The following CMYA5 variants were observed in gnomAD, a reference collection of about 807,000 sequenced individuals.
The protein encoded by CMYA5 is cardiomyopathy associated 5, also known as cardiomyopathy-associated protein 5.
In CMYA5, 246 loss-of-function variants were observed where a neutral mutation model predicts 318.9. The observed-to-expected ratio is 0.77, with a 90% CI of 0.70 to 0.86. CMYA5 has a LOEUF of 0.86. Among genes scored for constraint, CMYA5 ranks in the 40% least tolerant of loss-of-function variants. CMYA5 has a pLI of 0.00. For synonymous variants in CMYA5, 1,641 were observed against 1,729.5 expected (o/e 0.95, Z 1.27); for missense variants, 4,589 against 4,678.2 (o/e 0.98, Z 0.56).
In CMYA5 at chr5:79,748,485, A is replaced by G. The variant is rs1828369000; in HGVS notation, c.10991+1372A>G. Among the ~76,000 whole-genome samples, 3 of 151,238 alleles carry G rather than the reference A, an allele frequency of 2.0e-5. 1 individual carries two copies. In the South Asian group the frequency reaches 6.3e-4, roughly 32 times the overall value. ...GTCTAGAAACTGATACCCAGGCCTT[A>G]TTCCGAGTTCCCTATCTATCTATCT... On this transcript the variant is annotated intron_variant, in intron 5 of 12. Transcript: ENST00000446378.
chr5:79,768,935 C>G (rs548462555), intron 9 of CMYA5, among the ~76,000 whole-genome samples: 1 of 152,296 alleles, frequency 6.6e-6, no homozygotes, highest in South Asian at 2.1e-4. Context: ...CTACACCAAT[C>G]AGACGTAGAT....
intron 1 of CMYA5, among the ~76,000 whole-genome samples, chr5:79,709,751 A>G (rs1827346656): frequency 6.6e-6 from 1 of 151,874 alleles, no homozygotes; most frequent in South Asian, 2.1e-4. Context: ...TGAGGTCAGG[A>G]GTTTGAGACC....
chr5:79,726,089 G>A (rs1239221247), intron 1 of CMYA5, among the ~76,000 whole-genome samples: 1 of 152,170 alleles, frequency 6.6e-6, no homozygotes, highest in Non-Finnish European at 1.5e-5. Context: ...GAATGAAAAT[G>A]AGTAAGCAAC....
intron 12 of CMYA5, 86 bp downstream of exon 12, chr5:79,793,696 C>T: frequency 8.2e-7 from 1 of 1,216,466 alleles, no homozygotes; most frequent in Non-Finnish European, 1.1e-6. Context: ...TGATAAATAG[C>T]ACCCACTTCC....
chr5:79,789,183 G>A, intron 10 of CMYA5, 79 bp downstream of exon 10: 2 of 1,517,824 alleles, frequency 1.3e-6, no homozygotes, highest in Non-Finnish European at 8.9e-7. Flanking sequence ...TGTCCTAGAG[G>A]GCAACTTTAT....
chr5:79,692,485 A>G (rs1269995463), intron 1 of CMYA5, among the ~76,000 whole-genome samples: 1 of 152,166 alleles, frequency 6.6e-6, no homozygotes, highest in African/African-American at 2.4e-5. Context: ...ACATACACCA[A>G]CATGGATATT....
rs1049249003 is a variant in CMYA5, at chr5:79,761,953, G to T, written c.11403G>T (p.Arg3801Ser). 1 of 1,612,604 alleles carries T rather than the reference G, an allele frequency of 6.2e-7. No homozygotes were observed. The change falls in exon 8 of 13, where the codon AGG (arginine) becomes AGT (serine). Residue 3801 changes from arginine (R) to serine (S), a missense_variant. Arg to Ser is a moderately radical substitution (Grantham distance 110, BLOSUM62 -1). Transcript: ENST00000446378. The stretch of plus-strand genomic sequence containing the variant: ...TGCCCAGTGAAAGGGCCATCTTTAG[G>T]ACAGGTAAGGAGATGGATGCTAAGG... The part of the protein sequence containing the change: ...CSLPSERAIF[R>S]TAPSTPVIRA...
intron 1 of CMYA5, among the ~76,000 whole-genome samples, chr5:79,725,160 G>A (rs1827720012): frequency 6.6e-6 from 1 of 152,176 alleles, no homozygotes; most frequent in African/African-American, 2.4e-5. Flanking sequence ...AAAAAGGCAT[G>A]TACACTTATG....
At chr5:79,701,470 G>A (rs1001987826) in intron 1 of CMYA5, among the ~76,000 whole-genome samples, 6 of 151,872 alleles carry the variant, frequency 4.0e-5, no homozygotes, top group African/African-American at 1.5e-4. Context: ...GAGAAAATAT[G>A]TACAGCTATT....
At position 79,732,345 on chromosome 5, in the gene CMYA5, G is replaced by A; in HGVS notation, c.3580G>A (p.Ala1194Thr). ...QEPTAALTLK[A>T]ADEQMALSKV... ...ACCCACAGCAGCACTCACTCTAAAA[G>A]CTGCAGATGAACAGATGGCTTTGTC... Residue 1194 changes from alanine (A) to threonine (T), a missense_variant, in exon 2 of 13, where the codon GCT becomes ACT. By Grantham distance (58) the Ala-to-Thr change is moderately conservative (BLOSUM62 0). Coordinates refer to ENST00000446378, the MANE Select transcript of CMYA5 (RefSeq NM_153610.5). 2 of 1,613,734 alleles carry A rather than the reference G, an allele frequency of 1.2e-6. No homozygotes were observed. Among genetic ancestry groups the A allele is most frequent in the Non-Finnish European group, 1.7e-6 (2 of 1,179,798 alleles).
intron 9 of CMYA5, among the ~76,000 whole-genome samples, chr5:79,788,266 A>T (rs559035015): frequency 9.7e-4 from 148 of 151,886 alleles, no homozygotes; most frequent in Non-Finnish European, 1.7e-3. Context: ...AAACAGATTA[A>T]AGAGAATAGG....
chr5:79,761,730 T>G lies in CMYA5; in HGVS notation c.11261-81T>G, dbSNP rs145482626. 322 of 1,441,322 alleles carry G rather than the reference T, an allele frequency of 2.2e-4. 1 individual carries two copies. In the African/African-American group the frequency reaches 3.7e-3, roughly 17 times the overall value. The allele number at this position is 1,441,322 out of a possible 1,614,324, so 89.3% of individuals were successfully genotyped here. A position where few individuals can be genotyped will look rare whatever the true frequency, so the allele number is the denominator to read the frequency against. ...GTTTGCATTTTCCACTGAAAGAAAA[T>G]CATAGATGACTTTCTCCAGTAACTA... On this transcript the variant is annotated intron_variant, in intron 7 of 12. Coordinates refer to ENST00000446378, the MANE Select transcript of CMYA5 (RefSeq NM_153610.5).
intron 9 of CMYA5, among the ~76,000 whole-genome samples, chr5:79,785,827 C>G (rs1022561584): frequency 2.0e-5 from 3 of 152,098 alleles, no homozygotes; most frequent in Non-Finnish European, 4.4e-5. Context: ...TTATTTTTTA[C>G]TTCGTAAAAA....
intron 5 of CMYA5, among the ~76,000 whole-genome samples, chr5:79,749,635 C>A (rs1828394651): frequency 6.6e-6 from 1 of 152,084 alleles, no homozygotes. Context: ...TCTATTTTAT[C>A]ATTTACTATC....
At position 79,732,904 on chromosome 5, in the gene CMYA5, T is replaced by C; in HGVS notation, c.4139T>C (p.Ile1380Thr). ...KEEIPTDSSL[I>T]TPVDRPVLTK... Reference sequence around the variant, plus strand: ...GAAATCCCAACAGATTCATCTCTTATCACTCCTGTAGATCGTCCAGTCTTA... The same window carrying C: ...GAAATCCCAACAGATTCATCTCTTACCACTCCTGTAGATCGTCCAGTCTTA... The change falls in exon 2 of 13, where the codon ATC becomes ACC. Residue 1380 changes from isoleucine to threonine, a missense_variant. Physicochemically the swap from Ile to Thr is moderately conservative, Grantham distance 89 (BLOSUM62 -1). Transcript: ENST00000446378. 6.2e-7 allele frequency: 1 copy of C among 1,613,782 alleles called. No homozygotes were observed. The highest frequency in any genetic ancestry group is 8.5e-7 in the Non-Finnish European group (1 of 1,179,814).
rs576119936 is a variant in CMYA5 at position 79,709,647 on chromosome 5, A to G, written c.150-19268A>G. Among the ~76,000 whole-genome samples the G allele has an allele frequency of 6.0e-5, 9 of 151,246 alleles. No homozygotes were observed. In the East Asian group the frequency reaches 1.7e-3, roughly 29 times the overall value. On this transcript the variant is annotated intron_variant, in intron 1 of 12. Transcript: ENST00000446378. ...ATCTTTAAAAAAACGACTACTTTTT[A>G]AGTTTTGGTGTGGTATAAAGAAAAT...
At chr5:79,787,023 G>A (rs1829094095) in intron 9 of CMYA5, among the ~76,000 whole-genome samples, 1 of 152,164 alleles carries the variant, frequency 6.6e-6, no homozygotes, top group Admixed American at 6.5e-5. Context: ...AATGAGCAAT[G>A]AGACAGAGCA....
chr5:79,701,438 G>A (rs1827173353), intron 1 of CMYA5, among the ~76,000 whole-genome samples: 1 of 152,138 alleles, frequency 6.6e-6, no homozygotes, highest in Admixed American at 6.5e-5. Flanking sequence ...ATTGTAAAAT[G>A]TCTCAAATGA....
chr5:79,728,987 G>A lies in CMYA5; in HGVS notation c.222G>A (p.Val74=). Residue 74 remains valine, a synonymous_variant, in exon 2 of 13, where the codon GTG becomes GTA. Transcript: ENST00000446378. The part of the protein sequence containing the change: ...YIISDPSFSM[V]TVQREDSGIT... ...TATCTGACCCCTCCTTTTCCATGGTGACAGTCCAAAGGGAAGATAGTGGGA... is the reference window on the plus strand; with the variant it reads ...TATCTGACCCCTCCTTTTCCATGGTAACAGTCCAAAGGGAAGATAGTGGGA... The A allele has an allele frequency of 6.2e-7, 1 of 1,613,742 alleles. No individual in the cohort carries two copies. Among genetic ancestry groups the A allele is most frequent in the African/African-American group, 1.3e-5 (1 of 75,020 alleles).
Sources: gnomAD v4.1 joint callset for allele counts (sites outside exome capture counted in the v4.1 genomes callset) on GRCh38, gnomAD v4.1.1 for gene constraint, MANE v1.5 for transcripts, NCBI Gene and HGNC (gene_info 2026-07-23, HGNC 2026-07-21) for gene names.